GPC5: variants seen among roughly 807,000 people sequenced by gnomAD.
GPC5 encodes glypican-5.
A neutral mutation model predicts 53.9 loss-of-function variants in GPC5; 47 were observed. That is an observed-to-expected ratio of 0.87 (90% CI 0.69 to 1.11). GPC5 has a LOEUF of 1.11. GPC5 is among the 50% of genes most tolerant of loss of function. The pLI, the probability that GPC5 is intolerant of heterozygous loss-of-function variation, is 0.00. For synonymous variants in GPC5, 286 were observed against 263.3 expected, an observed-to-expected ratio of 1.09 and a Z score of -0.84; for missense variants, 748 against 713.1, an observed-to-expected ratio of 1.05 and a Z score of -0.56.
At chr13:92,156,451 A>G (rs1432303361) in intron 7 of GPC5, among the ~76,000 whole-genome samples, 1 of 152,084 alleles carries the variant, frequency 6.6e-6, no homozygotes, top group East Asian at 1.9e-4. Flanking sequence ...AACTTGCTGC[A>G]TTGCTTCCCT....
At chr13:91,650,750 G>GTTTTGTTTTTTTTTTT (rs1555333961) in intron 2 of GPC5, among the ~76,000 whole-genome samples, 33 of 99,602 alleles carry the variant, frequency 3.3e-4, no homozygotes, top group African/African-American at 1.3e-3. Flanking sequence ...ATTCCCATAA[G>GTTTTGTTTTTTTTTTT]TTTTTTTTTT....
At chr13:92,510,248 T>G (rs1880517714) in intron 7 of GPC5, among the ~76,000 whole-genome samples, 1 of 152,204 alleles carries the variant, frequency 6.6e-6, no homozygotes, top group South Asian at 2.1e-4. Flanking sequence ...TGTTTATTCT[T>G]AGAGATAACT....
chr13:91,835,634 A>T (rs2038715008), intron 5 of GPC5, among the ~76,000 whole-genome samples: 1 of 152,056 alleles, frequency 6.6e-6, no homozygotes, highest in South Asian at 2.1e-4. Context: ...TAACACAAGA[A>T]CAGAAAACCA....
chr13:91,896,092 A>C (rs1454058447), intron 5 of GPC5, among the ~76,000 whole-genome samples: 1 of 150,306 alleles, frequency 6.7e-6, no homozygotes, highest in Non-Finnish European at 1.5e-5. Flanking sequence ...ATCTTGGATA[A>C]TCCCCCCATT....
intron 7 of GPC5, among the ~76,000 whole-genome samples, chr13:92,346,117 T>C (rs891565480): frequency 1.3e-5 from 2 of 152,160 alleles, no homozygotes; most frequent in Admixed American, 6.5e-5. Context: ...AGGCTAGACC[T>C]GCTTGACCTG....
chr13:91,718,758 G>A (rs1391830099), intron 3 of GPC5, among the ~76,000 whole-genome samples: 1 of 151,778 alleles, frequency 6.6e-6, no homozygotes, highest in Non-Finnish European at 1.5e-5. Flanking sequence ...AATTATTCAG[G>A]GTTTATCTAA....
In GPC5 at chr13:92,266,423, C is replaced by G. The variant is rs143741796; in HGVS notation, c.1561+121434C>G. ...CTTCTGGAGCTTTTTCTAACTACAT[C>G]CATTCAGACTTCCAGGATTTAAGTT... On this transcript the variant is annotated intron_variant, in intron 7 of 7. Coordinates refer to ENST00000377067, the MANE Select transcript of GPC5 (RefSeq NM_004466.6). 4.7e-4 allele frequency among the ~76,000 whole-genome samples: 71 copies of G among 152,184 alleles called. 3 individuals carry two copies. In the East Asian group the frequency reaches 0.014, roughly 29 times the overall value.
chr13:92,691,307 C>T (rs1278846555), intron 7 of GPC5, among the ~76,000 whole-genome samples: 5 of 132,684 alleles, frequency 3.8e-5, no homozygotes, highest in Non-Finnish European at 7.9e-5. Flanking sequence ...GCGCAATATT[C>T]GGGTGGGAGT....
At chr13:91,735,083 G>A (rs2140040340) in intron 4 of GPC5, among the ~76,000 whole-genome samples, 1 of 151,110 alleles carries the variant, frequency 6.6e-6, no homozygotes, top group African/African-American at 2.5e-5. Context: ...TAGTAACTTA[G>A]TCTAAGATGA....
At chr13:92,470,857 G>C (rs895004886) in intron 7 of GPC5, among the ~76,000 whole-genome samples, 29 of 152,096 alleles carry the variant, frequency 1.9e-4, no homozygotes, top group African/African-American at 7.0e-4. Context: ...GATGTCATTG[G>C]GTTGACAGAG....
chr13:92,431,971 C>G (rs1023736271), intron 7 of GPC5, among the ~76,000 whole-genome samples: 1 of 152,134 alleles, frequency 6.6e-6, no homozygotes, highest in Non-Finnish European at 1.5e-5. Context: ...ATACTTGGTG[C>G]AATGGACTGA....
chr13:91,444,581 A>T (rs1333671455), intron 1 of GPC5, among the ~76,000 whole-genome samples: 1 of 152,158 alleles, frequency 6.6e-6, no homozygotes, highest in Non-Finnish European at 1.5e-5. Flanking sequence ...AGTGTTTAAA[A>T]ATATGGCAGC....
intron 6 of GPC5, among the ~76,000 whole-genome samples, chr13:92,026,905 G>A (rs1386582007): frequency 1.3e-5 from 2 of 152,094 alleles, no homozygotes; most frequent in Non-Finnish European, 2.9e-5. Context: ...CAAGTGATTT[G>A]TTTTGATTCC....
intron 3 of GPC5, among the ~76,000 whole-genome samples, chr13:91,698,881 A>C (rs150688712): frequency 2.0e-5 from 3 of 152,150 alleles, no homozygotes; most frequent in African/African-American, 7.2e-5. Flanking sequence ...TCACAATAAT[A>C]AGAAGGCTAA....
intron 6 of GPC5, among the ~76,000 whole-genome samples, chr13:91,953,900 T>A (rs1430461696): frequency 6.6e-6 from 1 of 152,142 alleles, no homozygotes; most frequent in Non-Finnish European, 1.5e-5. Context: ...CGCTTGGTGG[T>A]TTGGATTTTA....
intron 7 of GPC5, among the ~76,000 whole-genome samples, chr13:92,590,957 G>A (rs556640188): frequency 6.2e-4 from 94 of 152,204 alleles, no homozygotes; most frequent in African/African-American, 2.2e-3. Flanking sequence ...TGTCTGTTCT[G>A]ATTCAGCAGT....
At chr13:92,248,532 C>T (rs916186758) in intron 7 of GPC5, among the ~76,000 whole-genome samples, 9 of 152,100 alleles carry the variant, frequency 5.9e-5, no homozygotes, top group African/African-American at 2.2e-4. Context: ...TAATGCTACT[C>T]TTACATTGGG....
chr13:91,886,684 G>T (rs556473682), intron 5 of GPC5, among the ~76,000 whole-genome samples: 1 of 152,294 alleles, frequency 6.6e-6, no homozygotes, highest in Non-Finnish European at 1.5e-5. Flanking sequence ...AAACGAAGGG[G>T]CTACAGGCTC....
chr13:92,476,181 TCAAA>T (rs1412177840), intron 7 of GPC5, among the ~76,000 whole-genome samples: 5 of 151,860 alleles, frequency 3.3e-5, no homozygotes, highest in Admixed American at 3.3e-4. Context: ...TACAATGAAC[TCAAA>T]CAAATTTACA....
Sources: gnomAD v4.1 joint callset for allele counts (sites outside exome capture counted in the v4.1 genomes callset) on GRCh38, gnomAD v4.1.1 for gene constraint, MANE v1.5 for transcripts, NCBI Gene and HGNC (gene_info 2026-07-23, HGNC 2026-07-21) for gene names.